Variants in CLOCK observed in about 807,000 individuals in gnomAD.
CLOCK encodes circadian locomoter output cycles protein kaput.
Under a neutral mutation model 118.4 loss-of-function variants are expected in CLOCK, and 43 were observed. The ratio of observed to expected loss-of-function variants is 0.36; its 90% CI spans 0.28 to 0.47. CLOCK has a LOEUF of 0.47. Among genes scored for constraint, CLOCK ranks in the 20% least tolerant of loss-of-function variants. CLOCK has a pLI of 1.00. For synonymous variants in CLOCK, 326 were observed against 339.2 expected, an observed-to-expected ratio of 0.96 and a Z score of 0.43; for missense variants, 846 against 999.9, an observed-to-expected ratio of 0.85 and a Z score of 2.08.
At chr4:55,543,645 T>G (rs971459648) in intron 1 of CLOCK, among the ~76,000 whole-genome samples, 5 of 137,196 alleles carry the variant, frequency 3.6e-5, no homozygotes, top group Non-Finnish European at 6.8e-5. Context: ...CTTCTGTAAT[T>G]TTAAAAATAA....
Position 55,539,114 on chromosome 4 carries a change from A to T in CLOCK, c.-290+7668T>A, listed in dbSNP as rs376679279. 3.3e-5 allele frequency among the ~76,000 whole-genome samples: 5 copies of T among 152,266 alleles called. No individual in the cohort carries two copies. In the East Asian group the frequency reaches 9.7e-4, roughly 29 times the overall value. ...GCTGGGTATGGTAGCACATGCCTGTAATCCCAGCTACTCAGGAGGCTGTGG... is the reference window on the plus strand; with the variant it reads ...GCTGGGTATGGTAGCACATGCCTGTTATCCCAGCTACTCAGGAGGCTGTGG... On this transcript the variant is annotated intron_variant, in intron 1 of 22. Transcript: ENST00000513440.
At chr4:55,506,210 A>G (rs779019232) in intron 2 of CLOCK, among the ~76,000 whole-genome samples, 9 of 152,088 alleles carry the variant, frequency 5.9e-5, no homozygotes, top group African/African-American at 1.4e-4. Flanking sequence ...CTTTCAGTAA[A>G]TATCTTTTGT....
intron 5 of CLOCK, chr4:55,479,175 C>A: frequency 2.2e-6 from 1 of 447,634 alleles, no homozygotes; most frequent in Admixed American, 4.0e-5. Flanking sequence ...ATACATTTGA[C>A]AAACATGTTT....
intron 1 of CLOCK, among the ~76,000 whole-genome samples, chr4:55,513,905 A>G (rs568125997): frequency 6.6e-6 from 1 of 152,032 alleles, no homozygotes; most frequent in South Asian, 2.1e-4. Flanking sequence ...TGTGTTTTTA[A>G]TTTTAGAATT....
chr4:55,536,055 A>G (rs1174765369), intron 1 of CLOCK, among the ~76,000 whole-genome samples: 3 of 152,164 alleles, frequency 2.0e-5, no homozygotes, highest in Non-Finnish European at 4.4e-5. Flanking sequence ...GTTTCACGCA[A>G]GGACCTCAAG....
rs187856258 is a variant in CLOCK at position 55,536,095 on chromosome 4, T to C, written c.-290+10687A>G. Among the ~76,000 whole-genome samples, 47 of 152,228 alleles carry C rather than the reference T, an allele frequency of 3.1e-4. No individual in the cohort carries two copies. The East Asian group carries it at 6.8e-3, about 22-fold the overall frequency. ...AAGGTGGTATCTCCCCTCAGCATAC[T>C]TGCTGAATTTTAAAACCGTGCAGGG... is the stretch of plus-strand genomic sequence containing the variant. On this transcript the variant is annotated intron_variant, in intron 1 of 22. Transcript: ENST00000513440.
At chr4:55,475,893 G>A (rs1726477789) in intron 7 of CLOCK, 70 bp downstream of exon 7, 2 of 1,026,280 alleles carry the variant, frequency 1.9e-6, no homozygotes, top group Non-Finnish European at 3.0e-6. Flanking sequence ...AGGTACACCT[G>A]GATATTAAGT....
intron 1 of CLOCK, among the ~76,000 whole-genome samples, chr4:55,532,078 T>A (rs948470041): frequency 9.2e-5 from 14 of 152,048 alleles, no homozygotes; most frequent in African/African-American, 2.9e-4. Flanking sequence ...AAAAACCACA[T>A]GATTCCAATT....
chr4:55,532,640 G>C (rs556090532), intron 1 of CLOCK, among the ~76,000 whole-genome samples: 1 of 152,126 alleles, frequency 6.6e-6, no homozygotes, highest in Non-Finnish European at 1.5e-5. Flanking sequence ...GCCAAGGTGG[G>C]AGAACTGCTT....
intron 7 of CLOCK, 147 bp downstream of exon 7, chr4:55,475,816 T>C: frequency 1.5e-6 from 1 of 646,560 alleles, no homozygotes; most frequent in South Asian, 1.7e-5. Context: ...AAACAATTCA[T>C]GTGACTCATT....
At chr4:55,504,467 TATTA>T (rs1236956292) in intron 2 of CLOCK, among the ~76,000 whole-genome samples, 2 of 152,066 alleles carry the variant, frequency 1.3e-5, no homozygotes, top group African/African-American at 4.8e-5. Context: ...CTCAAAATTG[TATTA>T]ATACCGTTCT....
At chr4:55,513,636 C>T (rs992533425) in intron 1 of CLOCK, among the ~76,000 whole-genome samples, 2 of 152,114 alleles carry the variant, frequency 1.3e-5, no homozygotes, top group Non-Finnish European at 2.9e-5. Context: ...TATTCTGGGT[C>T]TTTTGCCTCT....
At chr4:55,518,961 T>C (rs940990679) in intron 1 of CLOCK, among the ~76,000 whole-genome samples, 1 of 152,170 alleles carries the variant, frequency 6.6e-6, no homozygotes, top group African/African-American at 2.4e-5. Context: ...CCTTATATTC[T>C]GCCCCCCACC....
intron 2 of CLOCK, among the ~76,000 whole-genome samples, chr4:55,490,401 G>A (rs1371005566): frequency 1.3e-5 from 2 of 151,952 alleles, no homozygotes; most frequent in African/African-American, 4.8e-5. Context: ...GGGAGAAACA[G>A]CAGATACAAT....
At chr4:55,469,443 C>A (rs539526460) in intron 8 of CLOCK, among the ~76,000 whole-genome samples, 18 of 152,152 alleles carry the variant, frequency 1.2e-4, no homozygotes, top group Middle Eastern at 3.4e-3. Flanking sequence ...CAGGCTGGTC[C>A]TTTAGGAGGT....
chr4:55,529,085 G>GAACT (rs1361560894), intron 1 of CLOCK, among the ~76,000 whole-genome samples: 2 of 152,100 alleles, frequency 1.3e-5, no homozygotes, highest in African/African-American at 4.8e-5. Context: ...CAAGAACCAT[G>GAACT]AACTAACAAT....
intron 8 of CLOCK, among the ~76,000 whole-genome samples, chr4:55,465,353 G>A (rs75672095): frequency 0.029 from 4,343 of 152,094 alleles, 211 homozygotes; most frequent in African/African-American, 0.099. Flanking sequence ...TATCTGCAGC[G>A]GGTCCTGGAA....
intron 1 of CLOCK, among the ~76,000 whole-genome samples, chr4:55,544,335 T>C (rs1362526552): frequency 6.6e-6 from 1 of 152,146 alleles, no homozygotes; most frequent in Non-Finnish European, 1.5e-5. Context: ...TCCTCATAAT[T>C]GTTTGTCATG....
intron 19 of CLOCK, 143 bp from the exon 20 acceptor site, chr4:55,444,039 T>C (rs1723588604): frequency 3.0e-6 from 2 of 658,814 alleles, no homozygotes; most frequent in Non-Finnish European, 5.2e-6. Flanking sequence ...TAGCAATAAA[T>C]AAGTAGTGAA....
Sources: allele counts gnomAD v4.1 joint callset (sites outside exome capture counted in the v4.1 genomes callset), GRCh38; gene constraint gnomAD v4.1.1; transcripts MANE v1.5; gene names NCBI Gene and HGNC (gene_info 2026-07-23, HGNC 2026-07-21).